Variants in IL23R observed in about 807,000 individuals in gnomAD.
IL23R encodes interleukin-23 receptor.
Under a neutral mutation model 56.9 loss-of-function variants are expected in IL23R, and 34 were observed. The ratio of observed to expected loss-of-function variants is 0.60; its 90% confidence interval spans 0.45 to 0.80. IL23R has a LOEUF of 0.80. IL23R is among the 30% of genes least tolerant of loss of function. IL23R has a pLI of 0.00. For missense variants in IL23R, 635 were observed against 730.0 expected (o/e 0.87, Z 1.50); for synonymous variants, 230 against 249.2 (o/e 0.92, Z 0.73).
In IL23R at chr1:67,206,864, C is replaced by T. The variant is rs889044477; in HGVS notation, c.653-46C>T. ...GAAAAGATGCCAGTTTCTCCCTAGG[C>T]AAGTTTTAAACAGCCAGGTCTTTTT... On this transcript the variant is annotated intron_variant, in intron 5 of 10. Transcript: ENST00000347310. 3 of 1,495,086 alleles carry T rather than the reference C, an allele frequency of 2.0e-6. No individual in the cohort carries two copies. The Admixed American group carries it at 7.2e-5, about 36-fold the overall frequency. The allele number at this position is 1,495,086 out of a possible 1,614,324, so 92.6% of individuals were successfully genotyped here. A position where few individuals can be genotyped will look rare whatever the true frequency, so the allele number is the denominator to read the frequency against.
intron 4 of IL23R, among the ~76,000 whole-genome samples, chr1:67,187,193 C>T (rs1463959811): frequency 6.6e-6 from 1 of 152,256 alleles, no homozygotes; most frequent in Non-Finnish European, 1.5e-5. Context: ...TTTACATTCC[C>T]AACAACAGTG....
intron 1 of IL23R, among the ~76,000 whole-genome samples, chr1:67,155,400 C>T (rs1646762843): frequency 6.6e-6 from 1 of 152,128 alleles, no homozygotes; most frequent in Non-Finnish European, 1.5e-5. Flanking sequence ...AACTTGGTTC[C>T]ATTCTCCCTG....
At chr1:67,155,187 A>G (rs1391047674) in intron 1 of IL23R, among the ~76,000 whole-genome samples, 1 of 152,096 alleles carries the variant, frequency 6.6e-6, no homozygotes, top group Admixed American at 6.6e-5. Flanking sequence ...TTCCCTTTGT[A>G]GGTGACCTGG....
intron 1 of IL23R, among the ~76,000 whole-genome samples, chr1:67,155,443 C>T (rs1161021772): frequency 2.6e-5 from 4 of 152,136 alleles, no homozygotes; most frequent in African/African-American, 2.4e-5. Context: ...ATCATAGGTT[C>T]GGTCTTCTTA....
At chr1:67,156,077 G>A (rs149901639) in intron 1 of IL23R, among the ~76,000 whole-genome samples, 243 of 152,270 alleles carry the variant, frequency 1.6e-3, no homozygotes, top group Middle Eastern at 3.4e-3. Flanking sequence ...GCAGTTTGCT[G>A]GAGGTCCACT....
Position 67,200,724 on chromosome 1 carries a change from T to G in IL23R, c.492-13T>G, listed in dbSNP as rs201733302. The G allele has an allele frequency of 1.7e-5, 27 of 1,611,596 alleles. No homozygotes were observed. The highest frequency in any genetic ancestry group is 2.0e-5 in the Non-Finnish European group (24 of 1,177,926). ...AAATACAATTTATGATCATCTTTTTTTTTTGTTTTAAGTTTAGAGACAGAA... is the reference window on the plus strand; with the variant it reads ...AAATACAATTTATGATCATCTTTTTGTTTTGTTTTAAGTTTAGAGACAGAA... On this transcript the variant is annotated splice_polypyrimidine_tract_variant and intron_variant, in intron 4 of 10. Coordinates refer to ENST00000347310, the MANE Select transcript of IL23R (RefSeq NM_144701.3).
intron 4 of IL23R, among the ~76,000 whole-genome samples, chr1:67,195,892 C>T (rs7521071): frequency 0.017 from 2,659 of 152,218 alleles, 36 homozygotes; most frequent in Non-Finnish European, 0.028. Flanking sequence ...CTTTTCTCTG[C>T]GTCTCAGCAA....
rs1648578988 is a variant in IL23R at position 67,200,873 on chromosome 1, C to T, written c.628C>T (p.Leu210=). The T allele has an allele frequency of 6.2e-7, 1 of 1,614,168 alleles. No homozygotes were observed. The highest frequency in any genetic ancestry group is 1.1e-5 in the South Asian group (1 of 91,086). The change falls in exon 5 of 11, where the codon CTG becomes TTG. Residue 210 remains leucine, a synonymous_variant. Transcript: ENST00000347310. ...ACTAGGCATGGAAGAGTCAAAACAA[C>T]TGCAAATTCACCTGGATGATATAGG... ...NALGMEESKQ[L]QIHLDDIVIP...
chr1:67,217,446 T>C (rs1649920552), intron 6 of IL23R, among the ~76,000 whole-genome samples: 1 of 152,138 alleles, frequency 6.6e-6, no homozygotes, highest in African/African-American at 2.4e-5. Flanking sequence ...CTGGCTGTAC[T>C]TTACGGTATT....
At chr1:67,228,277 G>A (rs1650867764) in intron 7 of IL23R, among the ~76,000 whole-genome samples, 1 of 148,224 alleles carries the variant, frequency 6.7e-6, no homozygotes, top group Non-Finnish European at 1.5e-5. Context: ...CATAAGATCT[G>A]GGCTCAAACA....
chr1:67,161,564 G>T (rs1022687313), upstream of IL23R, among the ~76,000 whole-genome samples: 2 of 151,696 alleles, frequency 1.3e-5, no homozygotes, highest in Non-Finnish European at 2.9e-5. Context: ...CTTAAAAGAA[G>T]ATTTTCAAAC....
chr1:67,157,051 C>T (rs1211644144), intron 1 of IL23R, among the ~76,000 whole-genome samples: 1 of 152,158 alleles, frequency 6.6e-6, no homozygotes, highest in Non-Finnish European at 1.5e-5. Flanking sequence ...GGAGGAGGGA[C>T]GTCCCTCTGC....
intron 1 of IL23R, among the ~76,000 whole-genome samples, chr1:67,154,063 C>G (rs1171081726): frequency 6.6e-6 from 1 of 152,160 alleles, no homozygotes; most frequent in Non-Finnish European, 1.5e-5. Context: ...CCACTGCGCC[C>G]GGCCTTGAGT....
chr1:67,259,247 C>T lies in IL23R; in HGVS notation c.*119C>T, dbSNP rs1051715182. ...AAAAATGTATTCACATACAAATCTT[C>T]ACATGGACACATGTTTTCATTTCCC... is the stretch of plus-strand genomic sequence containing the variant. On this transcript the variant is annotated 3_prime_UTR_variant, in exon 11 of 11. Coordinates refer to ENST00000347310, the MANE Select transcript of IL23R (RefSeq NM_144701.3). The T allele has an allele frequency of 9.1e-5, 84 of 920,058 alleles. No homozygotes were observed. The African/African-American group carries it at 1.2e-3, about 14-fold the overall frequency. 57.0% of individuals were successfully genotyped at this position (920,058 alleles called of 1,614,324 possible).
intron 7 of IL23R, among the ~76,000 whole-genome samples, chr1:67,230,585 A>G (rs1189330987): frequency 6.6e-6 from 1 of 152,118 alleles, no homozygotes; most frequent in East Asian, 1.9e-4. Context: ...CCATATGTAG[A>G]TTTCTTACCT....
At chr1:67,207,663 A>C (rs1450838281) in intron 6 of IL23R, 1 of 394,644 alleles carries the variant, frequency 2.5e-6, no homozygotes, top group South Asian at 2.0e-5. Context: ...TTTGCCTCCC[A>C]CCATGATTCT....
rs769998839 is a variant in IL23R at position 67,169,617 on chromosome 1, G to T, written c.346G>T (p.Gly116Ter). 6.2e-7 allele frequency: 1 copy of T among 1,614,024 alleles called. No individual in the cohort carries two copies. Among genetic ancestry groups the T allele is most frequent in the South Asian group, 1.1e-5 (1 of 91,070 alleles). Residue 116 changes from glycine (G) to a stop codon, truncating the protein, a stop_gained, in exon 3 of 11, where the codon GGA becomes TGA. Transcript: ENST00000347310. LOFTEE classifies it high-confidence loss of function. ...PKHFQETLICGKDISSGYPPD... is the reference protein window; with the variant it reads ...PKHFQETLIC ...ACATTTTCAAGAGACACTGATATGTGGAAAAGACATTTCTTCTGGATGTAA... is the reference window on the plus strand; with the variant it reads ...ACATTTTCAAGAGACACTGATATGTTGAAAAGACATTTCTTCTGGATGTAA...
At chr1:67,138,991 G>A (rs555882209) in exon 1 of IL23R, 19 of 152,388 alleles carry the variant, frequency 1.2e-4, no homozygotes, top group African/African-American at 4.3e-4. Context: ...TAGTCTGCCT[G>A]TTATGACAAT....
intron 4 of IL23R, among the ~76,000 whole-genome samples, chr1:67,200,124 C>A (rs575823576): frequency 6.6e-6 from 1 of 152,244 alleles, no homozygotes; most frequent in African/African-American, 2.4e-5. Context: ...ACTGCAAGCT[C>A]CTCCTCCTGG....
Sources: gnomAD v4.1 joint callset for allele counts (sites outside exome capture counted in the v4.1 genomes callset) on GRCh38, gnomAD v4.1.1 for gene constraint, MANE v1.5 for transcripts, NCBI Gene and HGNC (gene_info 2026-07-23, HGNC 2026-07-21) for gene names.